PXDNL: variants seen among roughly 807,000 people sequenced by gnomAD.
PXDNL encodes the protein peroxidasin like, also known as probable oxidoreductase PXDNL.
A neutral mutation model predicts 150.8 loss-of-function variants in PXDNL; 145 were observed. That is an observed-to-expected ratio of 0.96 (90% confidence interval 0.84 to 1.10). The LOEUF (loss-of-function observed/expected upper bound fraction) is 1.10. PXDNL is among the 50% of genes least tolerant of loss of function. The pLI is 0.00. For synonymous variants in PXDNL, 757 were observed against 725.7 expected, an observed-to-expected ratio of 1.04 and a Z score of -0.69; for missense variants, 2,087 against 1,873.9, an observed-to-expected ratio of 1.11 and a Z score of -2.10.
At chr8:51,681,008 CAT>C (rs988256072) in intron 1 of PXDNL, among the ~76,000 whole-genome samples, 8 of 151,908 alleles carry the variant, frequency 5.3e-5, no homozygotes, top group African/African-American at 1.7e-4. Flanking sequence ...CGTCCAGACA[CAT>C]GTGGTTTTTC....
chr8:51,723,668 G>A (rs1021133176), intron 1 of PXDNL, among the ~76,000 whole-genome samples: 8 of 152,206 alleles, frequency 5.3e-5, no homozygotes, highest in African/African-American at 1.7e-4. Flanking sequence ...ATTCAGCAGT[G>A]AGCCACCTGC....
intron 5 of PXDNL, among the ~76,000 whole-genome samples, chr8:51,498,312 A>G (rs1327580537): frequency 6.6e-6 from 1 of 151,322 alleles, no homozygotes; most frequent in African/African-American, 2.4e-5. Flanking sequence ...GGATAGCATT[A>G]GGAGATATAC....
intron 1 of PXDNL, among the ~76,000 whole-genome samples, chr8:51,772,220 TTCTC>T (rs759758555): frequency 1.4e-3 from 198 of 141,166 alleles, no homozygotes; most frequent in African/African-American, 4.7e-3. Context: ...GTCTCTCTCT[TTCTC>T]TCTCTCTCTA....
At chr8:51,323,341 A>G (rs1004617239) in intron 21 of PXDNL, among the ~76,000 whole-genome samples, 5 of 152,074 alleles carry the variant, frequency 3.3e-5, no homozygotes, top group African/African-American at 1.2e-4. Flanking sequence ...GTGTAGTGGC[A>G]CCATCATGGC....
At position 51,345,606 on chromosome 8, in the gene PXDNL, T is replaced by C. The variant is rs114710406; in HGVS notation, c.4016+227A>G. 3.7e-3 allele frequency among the ~76,000 whole-genome samples: 559 copies of C among 152,306 alleles called. 3 individuals carry two copies. The highest frequency in any genetic ancestry group is 0.013 in the African/African-American group (529 of 41,566). On this transcript the variant is annotated intron_variant, in intron 20 of 22. Transcript: ENST00000356297. The stretch of plus-strand genomic sequence containing the variant: ...CTAATACACTTAGTTTTCTGCACTT[T>C]ACTGAGAAAAATTCATTGCCAAATA...
At chr8:51,425,536 A>T (rs1401084957) in intron 13 of PXDNL, among the ~76,000 whole-genome samples, 1 of 152,136 alleles carries the variant, frequency 6.6e-6, no homozygotes, top group Non-Finnish European at 1.5e-5. Flanking sequence ...AGGGGGTTAT[A>T]AAAATATTCA....
chr8:51,502,918 A>G (rs1011374596), intron 4 of PXDNL, among the ~76,000 whole-genome samples: 1 of 152,176 alleles, frequency 6.6e-6, no homozygotes, highest in African/African-American at 2.4e-5. Context: ...AATAACATAC[A>G]ACAGTTTATC....
intron 1 of PXDNL, among the ~76,000 whole-genome samples, chr8:51,773,375 C>T (rs1473477808): frequency 1.3e-5 from 2 of 152,196 alleles, no homozygotes; most frequent in South Asian, 2.1e-4. Context: ...TTCTTTCACT[C>T]AGCCACAGGA....
chr8:51,527,408 G>T (rs867593184), intron 4 of PXDNL, among the ~76,000 whole-genome samples: 5 of 152,154 alleles, frequency 3.3e-5, no homozygotes, highest in African/African-American at 7.2e-5. Context: ...TCCACACCTG[G>T]TAAATATTCA....
chr8:51,776,637 T>C (rs943145081), intron 1 of PXDNL, among the ~76,000 whole-genome samples: 3 of 152,190 alleles, frequency 2.0e-5, no homozygotes, highest in Admixed American at 2.0e-4. Flanking sequence ...TTTGGTCTGC[T>C]AGTCCAGTGG....
At chr8:51,652,422 GTCTC>G (rs1213759314) in intron 2 of PXDNL, among the ~76,000 whole-genome samples, 58 of 129,548 alleles carry the variant, frequency 4.5e-4, no homozygotes, top group African/African-American at 1.5e-3. Flanking sequence ...CTGTCTCTCT[GTCTC>G]TCTCTCTCTC....
At chr8:51,537,429 T>G (rs770303525) in intron 4 of PXDNL, among the ~76,000 whole-genome samples, 5 of 152,224 alleles carry the variant, frequency 3.3e-5, no homozygotes, top group Non-Finnish European at 7.3e-5. Context: ...ACATAGTCAC[T>G]TCAAAACATA....
chr8:51,620,229 A>C (rs1296001607), intron 2 of PXDNL, among the ~76,000 whole-genome samples: 2 of 152,204 alleles, frequency 1.3e-5, no homozygotes, highest in African/African-American at 2.4e-5. Flanking sequence ...CAAAGACCAG[A>C]TAAAATATAT....
At chr8:51,489,418 C>T (rs1036268568) in intron 5 of PXDNL, among the ~76,000 whole-genome samples, 1 of 152,272 alleles carries the variant, frequency 6.6e-6, no homozygotes, top group South Asian at 2.1e-4. Flanking sequence ...TAGGCTCAAG[C>T]AGTCCTCCTG....
intron 2 of PXDNL, among the ~76,000 whole-genome samples, chr8:51,604,247 C>T (rs1469422448): frequency 1.3e-5 from 2 of 151,878 alleles, no homozygotes; most frequent in Non-Finnish European, 2.9e-5. Context: ...TTGGAACCAA[C>T]CCAAATGTCC....
At chr8:51,728,687 CTGAA>C (rs1160490620) in intron 1 of PXDNL, among the ~76,000 whole-genome samples, 6 of 151,764 alleles carry the variant, frequency 4.0e-5, no homozygotes, top group Non-Finnish European at 7.4e-5. Context: ...GTGTTTTAAG[CTGAA>C]TGTTATTATA....
intron 4 of PXDNL, among the ~76,000 whole-genome samples, chr8:51,509,898 T>C (rs1439440241): frequency 6.6e-6 from 1 of 151,882 alleles, no homozygotes; most frequent in Non-Finnish European, 1.5e-5. Flanking sequence ...TTATTAGTTT[T>C]AAAGCTTGCC....
At chr8:51,558,108 G>A (rs545694544) in intron 3 of PXDNL, among the ~76,000 whole-genome samples, 25 of 152,182 alleles carry the variant, frequency 1.6e-4, no homozygotes, top group East Asian at 7.7e-4. Context: ...TTGAGAAGTC[G>A]TCTCAAAACT....
intron 4 of PXDNL, among the ~76,000 whole-genome samples, chr8:51,552,955 G>C (rs539528692): frequency 6.6e-6 from 1 of 152,336 alleles, no homozygotes; most frequent in South Asian, 2.1e-4. Context: ...ATCAAAACCA[G>C]TTATGTGCTT....
Sources: gnomAD v4.1 joint callset for allele counts (sites outside exome capture counted in the v4.1 genomes callset) on GRCh38, gnomAD v4.1.1 for gene constraint, MANE v1.5 for transcripts, NCBI Gene and HGNC (gene_info 2026-07-23, HGNC 2026-07-21) for gene names.